Variants in CAMK2A observed in about 807,000 individuals in gnomAD.
CAMK2A encodes the protein calcium/calmodulin-dependent protein kinase type II subunit alpha.
In CAMK2A, 7 loss-of-function variants were observed where a neutral mutation model predicts 79.2. The observed-to-expected ratio is 0.09, with a 90% confidence interval of 0.05 to 0.17. The LOEUF (loss-of-function observed/expected upper bound fraction) is 0.17. Ranked by LOEUF, CAMK2A falls within the 10% of genes least tolerant of loss-of-function variation. The pLI, the probability that CAMK2A is intolerant of heterozygous loss-of-function variation, is 1.00. For synonymous variants in CAMK2A, 242 were observed against 251.7 expected (o/e 0.96, Z 0.36); for missense variants, 214 against 646.4 (o/e 0.33, Z 7.25).
At chr5:150,263,235 C>A (rs1186944482) in intron 3 of CAMK2A, among the ~76,000 whole-genome samples, 1 of 152,180 alleles carries the variant, frequency 6.6e-6, no homozygotes, top group East Asian at 1.9e-4. Flanking sequence ...AAAGCCATAA[C>A]CTCCTGCTCC....
intron 2 of CAMK2A, among the ~76,000 whole-genome samples, chr5:150,268,712 C>T (rs1756614053): frequency 6.6e-6 from 1 of 152,202 alleles, no homozygotes. Context: ...AGTGGCAGGG[C>T]TGAGATTTCA....
At chr5:150,265,076 C>CCGGTGAGGAAGGAACCATTA in intron 2 of CAMK2A, 61 bp from the exon 3 acceptor site, 1 of 1,285,262 alleles carries the variant, frequency 7.8e-7, no homozygotes, top group Non-Finnish European at 1.1e-6. Context: ...CTCCATCTCC[C>CCGGTGAGGAAGGAACCATTA]CCTTCTCAAA....
intron 15 of CAMK2A, among the ~76,000 whole-genome samples, chr5:150,237,446 T>G (rs1397838251): frequency 6.6e-6 from 1 of 151,992 alleles, no homozygotes; most frequent in Non-Finnish European, 1.5e-5. Flanking sequence ...CTCCCTGTCC[T>G]GGGGAAGGAG....
intron 2 of CAMK2A, among the ~76,000 whole-genome samples, chr5:150,269,500 C>G (rs908445889): frequency 1.3e-5 from 2 of 151,968 alleles, no homozygotes; most frequent in Non-Finnish European, 2.9e-5. Flanking sequence ...TACAGGCACC[C>G]GCCACTACGC....
Position 150,222,730 on chromosome 5 carries a change from G to A in CAMK2A, c.1467-17C>T. ...GTCCCTCAGCTGTAAGACACACACG[G>A]GGTGCTTCTCAGGGCATGGTGTTTC... is the stretch of plus-strand genomic sequence containing the variant. On this transcript the variant is annotated splice_polypyrimidine_tract_variant and intron_variant, in intron 18 of 18. Coordinates refer to ENST00000671881, the MANE Select transcript of CAMK2A (RefSeq NM_015981.4). 1 of 1,613,940 alleles carries A rather than the reference G, an allele frequency of 6.2e-7. No homozygotes were observed. Among genetic ancestry groups the A allele is most frequent in the Non-Finnish European group, 8.5e-7 (1 of 1,179,920 alleles).
intron 2 of CAMK2A, among the ~76,000 whole-genome samples, chr5:150,272,276 G>A (rs1481295880): frequency 1.3e-5 from 2 of 152,184 alleles, no homozygotes; most frequent in Middle Eastern, 3.4e-3. Context: ...ATAAGAGAGA[G>A]AAAATAGGTT....
At chr5:150,227,433 C>T (rs564275691) in intron 17 of CAMK2A, among the ~76,000 whole-genome samples, 48 of 152,122 alleles carry the variant, frequency 3.2e-4, no homozygotes, top group South Asian at 6.2e-4. Context: ...GTGGTACACG[C>T]CCTTGATTTG....
intron 4 of CAMK2A, among the ~76,000 whole-genome samples, 187 bp downstream of exon 4, chr5:150,257,376 G>A (rs1184632916): frequency 1.3e-5 from 2 of 152,246 alleles, no homozygotes; most frequent in Non-Finnish European, 2.9e-5. Flanking sequence ...ATAAATATAG[G>A]ATGAAAGCTA....
intron 6 of CAMK2A, among the ~76,000 whole-genome samples, chr5:150,254,368 A>C (rs1211970206): frequency 6.6e-6 from 1 of 152,204 alleles, no homozygotes; most frequent in African/African-American, 2.4e-5. Context: ...GCACTTAATA[A>C]GTATTTGTCA....
At chr5:150,281,458 G>A (rs1049354700) in intron 1 of CAMK2A, among the ~76,000 whole-genome samples, 1 of 152,224 alleles carries the variant, frequency 6.6e-6, no homozygotes, top group African/African-American at 2.4e-5. Context: ...CTGGGCTAGA[G>A]TTTGGGCCAC....
At chr5:150,247,667 TCTCCCCAGGCCCAGTGGC>T (rs1283585354) in intron 12 of CAMK2A, 87 bp downstream of exon 12, 10 of 868,642 alleles carry the variant, frequency 1.2e-5, no homozygotes, top group Non-Finnish European at 1.8e-5. Context: ...TACAACTCCC[TCTCCCCAGGCCCAGTGGC>T]CTGGGGGCAC....
At chr5:150,270,497 T>G (rs1580943867) in intron 2 of CAMK2A, among the ~76,000 whole-genome samples, 1 of 151,934 alleles carries the variant, frequency 6.6e-6, no homozygotes, top group African/African-American at 2.4e-5. Context: ...CCCGGGAGGG[T>G]GGGCACAGCC....
intron 11 of CAMK2A, among the ~76,000 whole-genome samples, chr5:150,248,547 C>T (rs532984286): frequency 2.2e-5 from 3 of 138,556 alleles, no homozygotes; most frequent in African/African-American, 5.4e-5. Context: ...CAAGTGTTCT[C>T]ATTGTTCAAT....
chr5:150,264,814 G>T (rs1240865535), intron 3 of CAMK2A, 142 bp downstream of exon 3: 9 of 662,366 alleles, frequency 1.4e-5, no homozygotes, highest in Admixed American at 2.4e-5. Flanking sequence ...CATTAAAGAC[G>T]CCCCCTTTCC....
intron 18 of CAMK2A, 94 bp downstream of exon 18, chr5:150,222,895 A>G: frequency 7.2e-7 from 1 of 1,393,898 alleles, no homozygotes; most frequent in Non-Finnish European, 1.0e-6. Flanking sequence ...AGCCTTTCAG[A>G]GCTGAAGGCA....
At chr5:150,286,839 C>T (rs937882738) in intron 1 of CAMK2A, among the ~76,000 whole-genome samples, 16 of 152,238 alleles carry the variant, frequency 1.1e-4, no homozygotes, top group Non-Finnish European at 1.5e-5. Flanking sequence ...CACTTTCAGC[C>T]TTGCCCAGCC....
rs1193909903 is a variant in CAMK2A at position 150,245,298 on chromosome 5, G to A, written c.944-97C>T. On this transcript the variant is annotated intron_variant, in intron 12 of 18. Transcript: ENST00000671881. ...AGCATCCACACGCAGCCGGAGGGCA[G>A]ACTGCAGGGAGCAGAGCTGGCCCAG... 10 of 1,164,880 alleles carry A rather than the reference G, an allele frequency of 8.6e-6. No homozygotes were observed. In the Admixed American group the frequency reaches 1.4e-4, roughly 16 times the overall value. 72.2% of individuals were successfully genotyped at this position (1,164,880 alleles called of 1,614,324 possible). A position where few individuals can be genotyped will look rare whatever the true frequency, so the allele number is the denominator to read the frequency against.
chr5:150,285,673 C>T (rs1439634423), intron 1 of CAMK2A, among the ~76,000 whole-genome samples: 1 of 152,154 alleles, frequency 6.6e-6, no homozygotes, highest in Non-Finnish European at 1.5e-5. Context: ...CCTTGGCAAC[C>T]CCTTCTCCAA....
chr5:150,221,282 CAGGGAAAG>C lies in CAMK2A; in HGVS notation c.*1420_*1427del, dbSNP rs1754294261. ...AAGGTATTCCACTCAGAGTCAATCC[CAGGGAAAG>C]AGGGAAAGAGGAAAAGAAAGAGAGA... On this transcript the variant is annotated 3_prime_UTR_variant, in exon 19 of 19. Coordinates refer to ENST00000671881, the MANE Select transcript of CAMK2A (RefSeq NM_015981.4). 5.0e-6 allele frequency: 2 copies of C among 397,458 alleles called. No individual in the cohort carries two copies. The highest frequency in any genetic ancestry group is 3.5e-5 in the East Asian group (1 of 28,172). The allele number at this position is 397,458 out of a possible 1,614,324, so 24.6% of individuals were successfully genotyped here.
Sources: gnomAD v4.1 joint callset for allele counts (sites outside exome capture counted in the v4.1 genomes callset) on GRCh38, gnomAD v4.1.1 for gene constraint, MANE v1.5 for transcripts, NCBI Gene and HGNC (gene_info 2026-07-23, HGNC 2026-07-21) for gene names.